The following VPS33B variants were observed in gnomAD, a reference collection of about 807,000 sequenced individuals.
The protein encoded by VPS33B is VPS33B late endosome and lysosome associated.
VPS33B carries 80 observed loss-of-function variants against 95.3 expected under a neutral mutation model. The observed-to-expected ratio is 0.84, with a 90% CI of 0.70 to 1.01. VPS33B has a LOEUF of 1.01. Ranked by LOEUF, VPS33B falls within the 50% of genes least tolerant of loss-of-function variation. The probability of loss-of-function intolerance (pLI) is 0.00; values close to 1 mark genes in which losing one functional copy is unlikely to be tolerated. For missense variants in VPS33B, 715 were observed against 773.4 expected, an observed-to-expected ratio of 0.92 and a Z score of 0.90; for synonymous variants, 280 against 280.4, an observed-to-expected ratio of 1.00 and a Z score of 0.01.
Position 90,999,517 on chromosome 15 carries a change from C to T in VPS33B, c.1774+160G>A. 1.3e-6 allele frequency: 1 copy of T among 787,548 alleles called. No individual in the cohort carries two copies. The highest frequency in any genetic ancestry group is 2.2e-6 in the Non-Finnish European group (1 of 450,318). 48.8% of individuals were successfully genotyped at this position (787,548 alleles called of 1,614,324 possible). ...TATTTTTCGTAGAGATGGGGTTTCA[C>T]CATGTTGGTCAGGCTAGGCTCTAAC... On this transcript the variant is annotated intron_variant, in intron 22 of 22. Coordinates refer to ENST00000333371, the MANE Select transcript of VPS33B (RefSeq NM_018668.5). This position sits in a 1 kb window ranked among gnomAD's most constrained non-coding sequence, Gnocchi z 5.1.
Position 90,999,221 on chromosome 15 carries a change from T to C in VPS33B, c.1775-167A>G. On this transcript the variant is annotated intron_variant, in intron 22 of 22. Coordinates refer to ENST00000333371, the MANE Select transcript of VPS33B (RefSeq NM_018668.5). This position sits in a 1 kb window ranked among gnomAD's most constrained non-coding sequence, Gnocchi z 5.1. ...GCACCACTGCTTTCTATGACTGGTA[T>C]AACTGGGCTCCCTGCTGTGGCAGCC... The C allele has an allele frequency of 1.4e-6, 1 of 710,884 alleles. No homozygotes were observed. 44.0% of individuals were successfully genotyped at this position (710,884 alleles called of 1,614,324 possible). A position where few individuals can be genotyped will look rare whatever the true frequency, so the allele number is the denominator to read the frequency against.
chr15:91,020,775 G>A (rs2041079876), intron 1 of VPS33B, among the ~76,000 whole-genome samples: 1 of 152,158 alleles, frequency 6.6e-6, no homozygotes, highest in African/African-American at 2.4e-5. Flanking sequence ...CAACTACTGG[G>A]GAGGCTGAGG....
rs1383372106 is a variant in VPS33B, at chr15:91,018,174, C to G, written c.97-289G>C. On this transcript the variant is annotated intron_variant, in intron 1 of 22. Transcript: ENST00000333371. This position sits in a 1 kb window ranked among gnomAD's most constrained non-coding sequence, Gnocchi z 4.7. ...TCTGCTCACCTGTGACCTTGGTCTG[C>G]ACCTCACTCCCCTTCTCTGCTGCCT... The G allele has an allele frequency of 2.2e-6, 1 of 445,652 alleles. No homozygotes were observed. Among genetic ancestry groups the G allele is most frequent in the African/African-American group, 2.0e-5 (1 of 49,916 alleles). 27.6% of individuals were successfully genotyped at this position (445,652 alleles called of 1,614,324 possible).
At position 91,019,720 on chromosome 15, in the gene VPS33B, G is replaced by A. The variant is rs187924670; in HGVS notation, c.97-1835C>T. ...GAGTTAATAAAACCATCCACAGAGCGCAAGCATGTGGCAATGAAAGAGGCC... is the reference window on the plus strand; with the variant it reads ...GAGTTAATAAAACCATCCACAGAGCACAAGCATGTGGCAATGAAAGAGGCC... On this transcript the variant is annotated intron_variant, in intron 1 of 22. Coordinates refer to ENST00000333371, the MANE Select transcript of VPS33B (RefSeq NM_018668.5). Among the ~76,000 whole-genome samples, 526 of 152,276 alleles carry A rather than the reference G, an allele frequency of 3.5e-3. 4 individuals are homozygous for A. Among genetic ancestry groups the A allele is most frequent in the African/African-American group, 0.012 (480 of 41,556 alleles).
intron 4 of VPS33B, 147 bp from the exon 5 acceptor site, chr15:91,014,018 G>A (rs1415301256): frequency 1.4e-5 from 13 of 947,486 alleles, no homozygotes; most frequent in Non-Finnish European, 2.0e-5. Flanking sequence ...AGGAGTTTGC[G>A]ACCAGCCTGG....
rs1046752103 is a variant in VPS33B at position 91,002,015 on chromosome 15, A to C, written c.1405+35T>G. The C allele has an allele frequency of 1.2e-6, 2 of 1,612,810 alleles. No homozygotes were observed. Among genetic ancestry groups the C allele is most frequent in the African/African-American group, 2.7e-5 (2 of 74,898 alleles). Reference sequence around the variant, plus strand: ...GCGTGTTGAGAGAAGTCAGGACAACAGCTGGAGCAGGGGTCACTTGTGCTC... The same window carrying C: ...GCGTGTTGAGAGAAGTCAGGACAACCGCTGGAGCAGGGGTCACTTGTGCTC... On this transcript the variant is annotated intron_variant, in intron 18 of 22. Transcript: ENST00000333371. The surrounding 1 kb of genome is among the most constrained non-coding windows in gnomAD (Gnocchi z 4.7).
At chr15:91,003,537 T>G (rs1023082499) in intron 16 of VPS33B, among the ~76,000 whole-genome samples, 5 of 152,152 alleles carry the variant, frequency 3.3e-5, no homozygotes, top group Non-Finnish European at 7.4e-5. Context: ...CCTCCCGGGT[T>G]CAAGCCATTC....
In VPS33B at chr15:91,002,236, T is replaced by C; in HGVS notation, c.1273-54A>G. ...TGAGTGTCCAAAGAGCATCTAGTACTGTCAGGTACTACAGAGTTGAGCAGA... is the reference window on the plus strand; with the variant it reads ...TGAGTGTCCAAAGAGCATCTAGTACCGTCAGGTACTACAGAGTTGAGCAGA... On this transcript the variant is annotated intron_variant, in intron 17 of 22. Transcript: ENST00000333371. The surrounding 1 kb of genome is among the most constrained non-coding windows in gnomAD (Gnocchi z 4.7). 1.2e-6 allele frequency: 2 copies of C among 1,604,470 alleles called. No individual in the cohort carries two copies. The highest frequency in any genetic ancestry group is 1.7e-6 in the Non-Finnish European group (2 of 1,173,396).
chr15:91,021,936 T>C (rs1390890616), intron 1 of VPS33B, among the ~76,000 whole-genome samples: 2 of 152,334 alleles, frequency 1.3e-5, no homozygotes, highest in African/African-American at 2.4e-5. Flanking sequence ...GGTGTCTCCC[T>C]TGCCTGTATG....
In VPS33B at chr15:91,007,943, G is replaced by A; in HGVS notation, c.425C>T (p.Ala142Val). The change falls in exon 7 of 23, where the codon GCC becomes GTC. Residue 142 changes from alanine to valine, a missense_variant. Transcript: ENST00000333371. This position sits in a 1 kb window ranked among gnomAD's most constrained non-coding sequence, Gnocchi z 5.3. ...IYGDVSCDEW[A>V]FSLLPLDVDL... ...CACATCAAGAGGCAGCAAAGAGAAG[G>A]CCCATTCATCACAGCTCACATCTGT... is the stretch of plus-strand genomic sequence containing the variant. 6.2e-7 allele frequency: 1 copy of A among 1,614,160 alleles called. No homozygotes were observed. Among genetic ancestry groups the A allele is most frequent in the Non-Finnish European group, 8.5e-7 (1 of 1,180,032 alleles).
Position 91,006,153 on chromosome 15 carries a change from C to G in VPS33B, c.853-94G>C. On this transcript the variant is annotated intron_variant, in intron 11 of 22. Coordinates refer to ENST00000333371, the MANE Select transcript of VPS33B (RefSeq NM_018668.5). The surrounding 1 kb of genome is among the most constrained non-coding windows in gnomAD (Gnocchi z 5.4). Reference sequence around the variant, plus strand: ...CAGGAAGGGTACTCAGGTGTTCTGGCAGAAATACAAAGAAAGCTGAGCTGG... The same window carrying G: ...CAGGAAGGGTACTCAGGTGTTCTGGGAGAAATACAAAGAAAGCTGAGCTGG... 6.8e-7 allele frequency: 1 copy of G among 1,460,214 alleles called. No individual in the cohort carries two copies. The allele number at this position is 1,460,214 out of a possible 1,614,324, so 90.5% of individuals were successfully genotyped here.
In VPS33B at chr15:91,005,423, C is replaced by T. The variant is rs1386409751; in HGVS notation, c.1062G>A (p.Lys354=). 9 of 1,614,008 alleles carry T rather than the reference C, an allele frequency of 5.6e-6. No homozygotes were observed. The highest frequency in any genetic ancestry group is 7.6e-6 in the Non-Finnish European group (9 of 1,180,040). The change falls in exon 14 of 23, where the codon AAG becomes AAA. Residue 354 remains lysine (K), a synonymous_variant. Coordinates refer to ENST00000333371, the MANE Select transcript of VPS33B (RefSeq NM_018668.5). The surrounding 1 kb of genome is among the most constrained non-coding windows in gnomAD (Gnocchi z 6.4). ...GCTCCTGGAAATCCTGCTTGGTTTT[C>T]TTCTTCATGATGGATTCACAGGCCC... is the stretch of plus-strand genomic sequence containing the variant. ...HIGACESIMK[K]KTKQDFQELI...
rs190860375 is a variant in VPS33B, at chr15:91,002,652, G to C, written c.1272+433C>G. Among the ~76,000 whole-genome samples, 9 of 142,462 alleles carry C rather than the reference G, an allele frequency of 6.3e-5. No homozygotes were observed. The highest frequency in any genetic ancestry group is 2.4e-4 in the African/African-American group (9 of 37,916). 93.5% of individuals were successfully genotyped at this position (142,462 alleles called of 152,430 possible). A position where few individuals can be genotyped will look rare whatever the true frequency, so the allele number is the denominator to read the frequency against. ...CTCGAAATAAAAAAAAAAAAAAAAAGAAAAGAAATAATTAGCACCAAACAA... is the reference window on the plus strand; with the variant it reads ...CTCGAAATAAAAAAAAAAAAAAAAACAAAAGAAATAATTAGCACCAAACAA... On this transcript the variant is annotated intron_variant, in intron 17 of 22. Transcript: ENST00000333371. The surrounding 1 kb of genome is among the most constrained non-coding windows in gnomAD (Gnocchi z 4.7).
Position 91,006,629 on chromosome 15 carries a change from A to T in VPS33B, c.778+23T>A. ...CTGATGACCCGTCCATCTTGCCAAG[A>T]TGCAGAGGACCATAGCACTTACCAC... On this transcript the variant is annotated intron_variant, in intron 10 of 22. Coordinates refer to ENST00000333371, the MANE Select transcript of VPS33B (RefSeq NM_018668.5). This position sits in a 1 kb window ranked among gnomAD's most constrained non-coding sequence, Gnocchi z 5.4. 1 of 1,614,224 alleles carries T rather than the reference A, an allele frequency of 6.2e-7. No homozygotes were observed. The highest frequency in any genetic ancestry group is 8.5e-7 in the Non-Finnish European group (1 of 1,180,022).
In VPS33B at chr15:91,022,055, G is replaced by A. The variant is rs1317196162; in HGVS notation, c.96+99C>T. The stretch of plus-strand genomic sequence containing the variant: ...TGGGGAAGCGCCAAGGACAATACCA[G>A]GGGCCAAGAACAAGATCAAAGGGGC... On this transcript the variant is annotated intron_variant, in intron 1 of 22. Coordinates refer to ENST00000333371, the MANE Select transcript of VPS33B (RefSeq NM_018668.5). 8 of 1,372,464 alleles carry A rather than the reference G, an allele frequency of 5.8e-6. No homozygotes were observed. The Admixed American group carries it at 6.0e-5, about 10-fold the overall frequency. The allele number at this position is 1,372,464 out of a possible 1,614,324, so 85.0% of individuals were successfully genotyped here.
At position 91,006,161 on chromosome 15, in the gene VPS33B, C is replaced by A; in HGVS notation, c.853-102G>T. 2 of 1,420,330 alleles carry A rather than the reference C, an allele frequency of 1.4e-6. No homozygotes were observed. The highest frequency in any genetic ancestry group is 1.2e-5 in the South Asian group (1 of 84,824). The allele number at this position is 1,420,330 out of a possible 1,614,324, so 88.0% of individuals were successfully genotyped here. On this transcript the variant is annotated intron_variant, in intron 11 of 22. Coordinates refer to ENST00000333371, the MANE Select transcript of VPS33B (RefSeq NM_018668.5). The surrounding 1 kb of genome is among the most constrained non-coding windows in gnomAD (Gnocchi z 5.4). Reference sequence around the variant, plus strand: ...GTACTCAGGTGTTCTGGCAGAAATACAAAGAAAGCTGAGCTGGGATCTGTA... The same window carrying A: ...GTACTCAGGTGTTCTGGCAGAAATAAAAAGAAAGCTGAGCTGGGATCTGTA...
intron 1 of VPS33B, among the ~76,000 whole-genome samples, chr15:91,020,254 TA>T (rs1221017554): frequency 3.3e-5 from 5 of 152,320 alleles, no homozygotes; most frequent in African/African-American, 1.2e-4. Flanking sequence ...ATAATCACCA[TA>T]AAAAAGTTAT....
At position 91,005,186 on chromosome 15, in the gene VPS33B, G is replaced by A. The variant is rs2040564860; in HGVS notation, c.1106-67C>T. The A allele has an allele frequency of 7.4e-6, 12 of 1,613,492 alleles. 1 individual carries two copies. The South Asian group carries it at 1.3e-4, about 18-fold the overall frequency. ...CAGCTGCTGCCATCTATGCTAACAG[G>A]TGTCTGTCTCCCCATCTCTTTCTCC... On this transcript the variant is annotated intron_variant, in intron 14 of 22. Coordinates refer to ENST00000333371, the MANE Select transcript of VPS33B (RefSeq NM_018668.5). This position sits in a 1 kb window ranked among gnomAD's most constrained non-coding sequence, Gnocchi z 6.4.
At position 91,005,346 on chromosome 15, in the gene VPS33B, G is replaced by C. The variant is rs80257911; in HGVS notation, c.1105+34C>G. 1.2e-6 allele frequency: 2 copies of C among 1,614,048 alleles called. No individual in the cohort carries two copies. The highest frequency in any genetic ancestry group is 3.3e-5 in the Admixed American group (2 of 59,996). On this transcript the variant is annotated intron_variant, in intron 14 of 22. Coordinates refer to ENST00000333371, the MANE Select transcript of VPS33B (RefSeq NM_018668.5). This position sits in a 1 kb window ranked among gnomAD's most constrained non-coding sequence, Gnocchi z 6.4. Reference sequence around the variant, plus strand: ...GGCTGGGAGCTGGGGAAGTAGAAGCGTGGGCAGTAGCACAGCAAGGCTGCG... The same window carrying C: ...GGCTGGGAGCTGGGGAAGTAGAAGCCTGGGCAGTAGCACAGCAAGGCTGCG...
Sources: allele counts gnomAD v4.1 joint callset (sites outside exome capture counted in the v4.1 genomes callset), GRCh38; gene constraint gnomAD v4.1.1; non-coding constraint Gnocchi (gnomAD v3.1); transcripts MANE v1.5; gene names NCBI Gene and HGNC (gene_info 2026-07-23, HGNC 2026-07-21).